NDST4: variants seen among roughly 807,000 people sequenced by gnomAD.
NDST4 encodes the protein N-heparan sulfate sulfotransferase 4.
A neutral mutation model predicts 100.8 loss-of-function variants in NDST4; 63 were observed. The ratio of observed to expected loss-of-function variants is 0.62; its 90% CI spans 0.51 to 0.77. The LOEUF is 0.77. Ranked by LOEUF, NDST4 falls within the 30% of genes least tolerant of loss-of-function variation. The pLI, the probability that NDST4 is intolerant of heterozygous loss-of-function variation, is 0.00. For missense variants in NDST4, 943 were observed against 1,018.4 expected (o/e 0.93, Z 1.01); for synonymous variants, 377 against 361.8 (o/e 1.04, Z -0.48).
At chr4:114,841,661 A>C (rs750178084) in intron 10 of NDST4, among the ~76,000 whole-genome samples, 1 of 152,216 alleles carries the variant, frequency 6.6e-6, no homozygotes, top group South Asian at 2.1e-4. Context: ...CAATTGCTTA[A>C]ATTTATAACT....
At chr4:115,072,033 T>C (rs1317352877) in intron 2 of NDST4, among the ~76,000 whole-genome samples, 1 of 151,938 alleles carries the variant, frequency 6.6e-6, no homozygotes, top group Admixed American at 6.6e-5. Context: ...TTTAATAAAA[T>C]AATGGAATAA....
chr4:114,905,867 T>C lies in NDST4; in HGVS notation c.1536+29339A>G, dbSNP rs17047484. On this transcript the variant is annotated intron_variant, in intron 6 of 13. Coordinates refer to ENST00000264363, the MANE Select transcript of NDST4 (RefSeq NM_022569.3). ...GACACTTTAATAAATTGTTCTGTAGTCTGTGCTGGAAGGTAACTGAATTTT... is the reference window on the plus strand; with the variant it reads ...GACACTTTAATAAATTGTTCTGTAGCCTGTGCTGGAAGGTAACTGAATTTT... Among the ~76,000 whole-genome samples the C allele has an allele frequency of 9.5e-3, 1,452 of 152,114 alleles. 19 individuals are homozygous for C. The highest frequency in any genetic ancestry group is 0.031 in the Middle Eastern group (9 of 294).
chr4:115,039,766 G>C (rs1021143700), intron 2 of NDST4, among the ~76,000 whole-genome samples: 8 of 152,134 alleles, frequency 5.3e-5, no homozygotes, highest in African/African-American at 1.9e-4. Context: ...CCTAAGAAAA[G>C]AGGGGTGTGT....
rs1184113603 is a variant in NDST4 at position 114,924,418 on chromosome 4, C to A, written c.1536+10788G>T. On this transcript the variant is annotated intron_variant, in intron 6 of 13. Coordinates refer to ENST00000264363, the MANE Select transcript of NDST4 (RefSeq NM_022569.3). ...TGTCCTTTTGTAAAGGTTAGTCCTG[C>A]AAATCTTTAAGGATAGAAAAAAAAA... Among the ~76,000 whole-genome samples the A allele has an allele frequency of 2.9e-5, 4 of 138,918 alleles. 1 individual carries two copies. In the East Asian group the frequency reaches 6.3e-4, roughly 22 times the overall value. The allele number at this position is 138,918 out of a possible 152,430, so 91.1% of individuals were successfully genotyped here.
At chr4:115,100,898 T>C (rs1464503902) in intron 1 of NDST4, among the ~76,000 whole-genome samples, 1 of 151,958 alleles carries the variant, frequency 6.6e-6, no homozygotes, top group Non-Finnish European at 1.5e-5. Flanking sequence ...AAGATGCCCT[T>C]ATCTTTAAGG....
rs138404872 is a variant in NDST4 at position 115,048,199 on chromosome 4, G to T, written c.978+27860C>A. Among the ~76,000 whole-genome samples, 73 of 151,802 alleles carry T rather than the reference G, an allele frequency of 4.8e-4. 2 individuals are homozygous for T. In the East Asian group the frequency reaches 0.014, roughly 29 times the overall value. ...GTTTTGTTTGTTTTAATGAGGGATA[G>T]CCATGCAGACTTTTTAAGCATCTAT... On this transcript the variant is annotated intron_variant, in intron 2 of 13. Coordinates refer to ENST00000264363, the MANE Select transcript of NDST4 (RefSeq NM_022569.3).
intron 6 of NDST4, among the ~76,000 whole-genome samples, chr4:114,875,912 G>C (rs758732681): frequency 1.3e-5 from 2 of 152,128 alleles, no homozygotes; most frequent in Non-Finnish European, 2.9e-5. Flanking sequence ...AATATCAGTA[G>C]CCAGAATATA....
chr4:115,040,105 G>A (rs918540955), intron 2 of NDST4, among the ~76,000 whole-genome samples: 10 of 151,176 alleles, frequency 6.6e-5, no homozygotes, highest in African/African-American at 1.5e-4. Flanking sequence ...CAAATAAAAC[G>A]GAGGACATAG....
At chr4:114,993,796 T>C (rs1727102540) in intron 2 of NDST4, among the ~76,000 whole-genome samples, 1 of 151,990 alleles carries the variant, frequency 6.6e-6, no homozygotes, top group South Asian at 2.1e-4. Flanking sequence ...AGTTTTCAGT[T>C]GTACCACTGC....
chr4:115,045,433 C>G (rs954892643), intron 2 of NDST4, among the ~76,000 whole-genome samples: 3 of 152,162 alleles, frequency 2.0e-5, no homozygotes, highest in Non-Finnish European at 4.4e-5. Flanking sequence ...AAATGTAGAG[C>G]TCTAGAAGAA....
intron 7 of NDST4, among the ~76,000 whole-genome samples, chr4:114,869,764 C>A (rs538707355): frequency 6.6e-6 from 1 of 152,224 alleles, no homozygotes; most frequent in South Asian, 2.1e-4. Flanking sequence ...GAAATCTCTC[C>A]ACTGGCTTTG....
At chr4:115,059,363 T>A (rs1035683996) in intron 2 of NDST4, among the ~76,000 whole-genome samples, 3 of 152,002 alleles carry the variant, frequency 2.0e-5, no homozygotes, top group African/African-American at 7.2e-5. Context: ...ATGCAAAATA[T>A]CTCCTCTCCA....
intron 2 of NDST4, among the ~76,000 whole-genome samples, chr4:115,020,011 A>G (rs1727775454): frequency 6.6e-6 from 1 of 152,150 alleles, no homozygotes; most frequent in Non-Finnish European, 1.5e-5. Context: ...GAAGAGTGGG[A>G]TTATTGCCAT....
intron 1 of NDST4, among the ~76,000 whole-genome samples, chr4:115,094,970 A>T (rs552290065): frequency 6.6e-6 from 1 of 152,274 alleles, no homozygotes; most frequent in Non-Finnish European, 1.5e-5. Flanking sequence ...GCCCTAACAA[A>T]CTAATACTTT....
chr4:115,055,601 G>A (rs1728677613), intron 2 of NDST4, among the ~76,000 whole-genome samples: 1 of 152,144 alleles, frequency 6.6e-6, no homozygotes, highest in Admixed American at 6.6e-5. Flanking sequence ...ATCGGTTATT[G>A]AGTCCAAATA....
intron 6 of NDST4, among the ~76,000 whole-genome samples, chr4:114,931,867 A>G (rs1041733048): frequency 2.0e-5 from 3 of 151,882 alleles, no homozygotes; most frequent in African/African-American, 7.2e-5. Flanking sequence ...CTTAGCAAGG[A>G]AAAGCTCGGG....
At chr4:115,054,437 T>G (rs1252847389) in intron 2 of NDST4, among the ~76,000 whole-genome samples, 1 of 152,168 alleles carries the variant, frequency 6.6e-6, no homozygotes, top group Non-Finnish European at 1.5e-5. Context: ...GCACACAACT[T>G]CTAAGTTATA....
chr4:115,090,571 A>G (rs1413074673), intron 1 of NDST4, among the ~76,000 whole-genome samples: 1 of 152,064 alleles, frequency 6.6e-6, no homozygotes, highest in Non-Finnish European at 1.5e-5. Flanking sequence ...TTAGGAAATA[A>G]TAACCTGTCT....
At position 115,096,061 on chromosome 4, in the gene NDST4, A is replaced by G. The variant is rs145622196; in HGVS notation, c.-247+17383T>C. 1.8e-3 allele frequency among the ~76,000 whole-genome samples: 273 copies of G among 152,004 alleles called. 1 individual carries two copies. The highest frequency in any genetic ancestry group is 6.2e-3 in the African/African-American group (258 of 41,524). On this transcript the variant is annotated intron_variant, in intron 1 of 13. Coordinates refer to ENST00000264363, the MANE Select transcript of NDST4 (RefSeq NM_022569.3). ...AGTTTAAATTCCATAATCAATTATTATATTAATTCTATTTTATATACTCTC... is the reference window on the plus strand; with the variant it reads ...AGTTTAAATTCCATAATCAATTATTGTATTAATTCTATTTTATATACTCTC...
Sources: allele counts gnomAD v4.1 joint callset (sites outside exome capture counted in the v4.1 genomes callset), GRCh38; gene constraint gnomAD v4.1.1; transcripts MANE v1.5; gene names NCBI Gene and HGNC (gene_info 2026-07-23, HGNC 2026-07-21).